SLC14A2: variants seen among roughly 807,000 people sequenced by gnomAD.
SLC14A2 encodes the protein solute carrier family 14 member 2.
SLC14A2 carries 91 observed loss-of-function variants against 104.6 expected under a neutral mutation model. That is an observed-to-expected ratio of 0.87 (90% CI 0.73 to 1.04). The LOEUF (loss-of-function observed/expected upper bound fraction) is 1.04. SLC14A2 is among the 50% of genes least tolerant of loss of function. The pLI is 0.00. For missense variants in SLC14A2, 1,189 were observed against 1,156.0 expected (o/e 1.03, Z -0.41); for synonymous variants, 476 against 466.4 (o/e 1.02, Z -0.27).
chr18:45,636,243 C>T (rs575310867), intron 5 of SLC14A2, among the ~76,000 whole-genome samples: 22 of 152,258 alleles, frequency 1.4e-4, no homozygotes, highest in Middle Eastern at 3.4e-3. Flanking sequence ...CAGGTTTTGC[C>T]CAGCAGGTCA....
intron 1 of SLC14A2, among the ~76,000 whole-genome samples, chr18:45,297,741 C>T (rs967460169): frequency 6.6e-6 from 1 of 152,174 alleles, no homozygotes; most frequent in Admixed American, 6.5e-5. Flanking sequence ...TCCTGAATGA[C>T]CAGAGACACC....
At chr18:45,283,879 T>C (rs2084787777) in intron 1 of SLC14A2, among the ~76,000 whole-genome samples, 1 of 152,222 alleles carries the variant, frequency 6.6e-6, no homozygotes, top group Non-Finnish European at 1.5e-5. Flanking sequence ...CCACTAGCCC[T>C]CTGTGACTAC....
At chr18:45,656,446 T>C (rs776406685) in intron 10 of SLC14A2, among the ~76,000 whole-genome samples, 3 of 152,232 alleles carry the variant, frequency 2.0e-5, no homozygotes, top group Non-Finnish European at 4.4e-5. Context: ...ACAATATTCT[T>C]GGCAATAGGG....
In SLC14A2 at chr18:45,627,017, T is replaced by C; in HGVS notation, c.391T>C (p.Phe131Leu). Reference sequence around the variant, plus strand: ...CCTGAGAGGGACCGCTCAGGTGATGTTCATCAACAATCCTCTCAGCGGCCT... The same window carrying C: ...CCTGAGAGGGACCGCTCAGGTGATGCTCATCAACAATCCTCTCAGCGGCCT... ...WVLRGTAQVMFINNPLSGLII... is the reference protein window; with the variant it reads ...WVLRGTAQVMLINNPLSGLII... Residue 131 changes from phenylalanine to leucine, a missense_variant, in exon 4 of 20, where the codon TTC becomes CTC. By Grantham distance (22) the Phe-to-Leu change is conservative (BLOSUM62 0). Transcript: ENST00000255226. 1.9e-6 allele frequency: 3 copies of C among 1,613,100 alleles called. No homozygotes were observed. Among genetic ancestry groups the C allele is most frequent in the Non-Finnish European group, 2.5e-6 (3 of 1,179,964 alleles).
At chr18:45,625,595 CA>C (rs1038559172) in intron 2 of SLC14A2, 87 bp from the exon 3 acceptor site, 20 of 1,114,724 alleles carry the variant, frequency 1.8e-5, no homozygotes, top group Non-Finnish European at 2.4e-5. Flanking sequence ...TTATTTTTAT[CA>C]AAAAACCTGC....
In SLC14A2 at chr18:45,602,666, C is replaced by T. The variant is rs1057389605; in HGVS notation, c.-34-21965C>T. On this transcript the variant is annotated intron_variant, in intron 2 of 20. Transcript: ENST00000586448. ...AAAAACTCAGACCCTTGCAAGAGAT[C>T]AGAAGATACAAAATTTCACTCAGGC... Among the ~76,000 whole-genome samples the T allele has an allele frequency of 6.6e-5, 10 of 152,356 alleles. No individual in the cohort carries two copies. In the South Asian group the frequency reaches 1.4e-3, roughly 22 times the overall value.
intron 2 of SLC14A2, among the ~76,000 whole-genome samples, chr18:45,488,268 A>G (rs192484931): frequency 2.6e-4 from 39 of 152,222 alleles, no homozygotes; most frequent in African/African-American, 8.4e-4. Flanking sequence ...ACCCCAGAGG[A>G]AAAAAACAAG....
intron 1 of SLC14A2, among the ~76,000 whole-genome samples, chr18:45,215,424 GA>G (rs560117452): frequency 6.7e-6 from 1 of 148,732 alleles, no homozygotes; most frequent in African/African-American, 2.5e-5. Flanking sequence ...GCCCTAGTCA[GA>G]AAAAAAAAGA....
At chr18:45,380,288 AG>A (rs1405582363) in intron 1 of SLC14A2, among the ~76,000 whole-genome samples, 13 of 152,202 alleles carry the variant, frequency 8.5e-5, no homozygotes, top group Admixed American at 2.0e-4. Context: ...CACTAGCCAA[AG>A]ACCATCAGGA....
chr18:45,198,576 T>C, the SLC14A2 span, among the ~76,000 whole-genome samples: 1 of 152,160 alleles, frequency 6.6e-6, no homozygotes, highest in Non-Finnish European at 1.5e-5. Context: ...TACTTTTGCT[T>C]TACTTCTCTA....
At chr18:45,471,075 T>G (rs903921326) in intron 1 of SLC14A2, among the ~76,000 whole-genome samples, 4 of 152,156 alleles carry the variant, frequency 2.6e-5, no homozygotes, top group African/African-American at 9.7e-5. Flanking sequence ...TACTGATTAG[T>G]TAAATTTCAG....
chr18:45,333,291 T>G (rs1055438452), intron 1 of SLC14A2, among the ~76,000 whole-genome samples: 3 of 152,142 alleles, frequency 2.0e-5, no homozygotes, highest in African/African-American at 4.8e-5. Context: ...AAAAAATCCT[T>G]ATTTGTAATA....
the SLC14A2 span, among the ~76,000 whole-genome samples, chr18:45,193,332 C>T: frequency 3.9e-5 from 6 of 152,088 alleles, no homozygotes; most frequent in African/African-American, 1.4e-4. Context: ...TAAAGTTTTT[C>T]GTCTGTTTTC....
At chr18:45,403,190 T>C (rs2086114835) in intron 1 of SLC14A2, among the ~76,000 whole-genome samples, 2 of 152,196 alleles carry the variant, frequency 1.3e-5, no homozygotes, top group Admixed American at 1.3e-4. Flanking sequence ...CTTCTGTGCA[T>C]GAGGAGAGAT....
At chr18:45,173,334 T>C in the SLC14A2 span, among the ~76,000 whole-genome samples, 2 of 152,242 alleles carry the variant, frequency 1.3e-5, no homozygotes, top group African/African-American at 2.4e-5. Flanking sequence ...TGAGACATCA[T>C]ATAGGATGCC....
At chr18:45,668,302 G>C (rs1282135255) in intron 14 of SLC14A2, 47 bp from the exon 15 acceptor site, 3 of 1,604,988 alleles carry the variant, frequency 1.9e-6, no homozygotes, top group Non-Finnish European at 1.7e-6. Context: ...AAATGTAAAG[G>C]GCCCTGGGGA....
intron 10 of SLC14A2, 77 bp downstream of exon 10, chr18:45,644,237 A>C: frequency 6.9e-7 from 1 of 1,448,632 alleles, no homozygotes; most frequent in South Asian, 1.2e-5. Flanking sequence ...GCTCTGGTTC[A>C]ATCAGTTGCA....
intron 2 of SLC14A2, among the ~76,000 whole-genome samples, chr18:45,574,427 G>A (rs961877080): frequency 6.6e-6 from 1 of 152,186 alleles, no homozygotes; most frequent in Non-Finnish European, 1.5e-5. Flanking sequence ...TGACTCTTGA[G>A]CTGAGGTGGT....
rs566073736 is a variant in SLC14A2, at chr18:45,552,255, T to A, written c.-35+68933T>A. On this transcript the variant is annotated intron_variant, in intron 2 of 20. Transcript: ENST00000586448. ...AGGACAACAAGGGACATGCTCCATG[T>A]GATAGATGAGGTGCCATGAGTTTGA... 6.0e-4 allele frequency among the ~76,000 whole-genome samples: 92 copies of A among 152,306 alleles called. 2 individuals carry two copies. The South Asian group carries it at 0.015, about 24-fold the overall frequency.
Sources: gnomAD v4.1 joint callset for allele counts (sites outside exome capture counted in the v4.1 genomes callset) on GRCh38, gnomAD v4.1.1 for gene constraint, MANE v1.5 for transcripts, NCBI Gene and HGNC (gene_info 2026-07-23, HGNC 2026-07-21) for gene names.